BTC: variants seen among roughly 807,000 people sequenced by gnomAD.
The protein encoded by BTC is betacellulin.
In BTC, 13 loss-of-function variants were observed where a neutral mutation model predicts 18.1. The observed-to-expected ratio is 0.72, with a 90% CI of 0.47 to 1.14. BTC has a LOEUF of 1.14. Among genes scored for constraint, BTC ranks in the 50% most tolerant of loss-of-function variants. BTC has a pLI of 0.00. For missense variants in BTC, 247 were observed against 224.2 expected, an observed-to-expected ratio of 1.10 and a Z score of -0.65; for synonymous variants, 83 against 79.4, an observed-to-expected ratio of 1.05 and a Z score of -0.24.
In BTC at chr4:74,746,418, T is replaced by G. The variant is rs1332817053; in HGVS notation, c.*259A>C. The G allele has an allele frequency of 6.6e-6, 1 of 152,656 alleles. No individual in the cohort carries two copies. The highest frequency in any genetic ancestry group is 1.5e-5 in the Non-Finnish European group (1 of 68,040). The allele number at this position is 152,656 out of a possible 1,614,324, so 9.5% of individuals were successfully genotyped here. A position where few individuals can be genotyped will look rare whatever the true frequency, so the allele number is the denominator to read the frequency against. ...TGACTAGTAATCCTGGTGACAATACTTAAGTGAAAGGTTATTGAAATTTCC... is the reference window on the plus strand; with the variant it reads ...TGACTAGTAATCCTGGTGACAATACGTAAGTGAAAGGTTATTGAAATTTCC... On this transcript the variant is annotated 3_prime_UTR_variant, in exon 6 of 6. Transcript: ENST00000395743.
At chr4:74,757,701 C>A (rs1553956907) in intron 2 of BTC, among the ~76,000 whole-genome samples, 1 of 152,120 alleles carries the variant, frequency 6.6e-6, no homozygotes, top group Non-Finnish European at 1.5e-5. Context: ...GTAAAAACAA[C>A]CATCATAACC....
At chr4:74,764,668 T>G (rs1175545843) in intron 2 of BTC, among the ~76,000 whole-genome samples, 1 of 152,158 alleles carries the variant, frequency 6.6e-6, no homozygotes, top group Non-Finnish European at 1.5e-5. Flanking sequence ...CAAAATAATG[T>G]CTTTTGTAGC....
At chr4:74,769,394 T>A (rs943973090) in intron 2 of BTC, among the ~76,000 whole-genome samples, 2 of 152,152 alleles carry the variant, frequency 1.3e-5, no homozygotes, top group Non-Finnish European at 2.9e-5. Context: ...ACTAAAGTTT[T>A]ACTGAAACAG....
chr4:74,792,780 G>A (rs1577975249), intron 1 of BTC, among the ~76,000 whole-genome samples: 1 of 152,104 alleles, frequency 6.6e-6, no homozygotes, highest in Non-Finnish European at 1.5e-5. Flanking sequence ...CTCAAGGCAC[G>A]CATTCGTGTC....
chr4:74,781,039 G>A lies in BTC; in HGVS notation c.65-10883C>T, dbSNP rs76192238. Among the ~76,000 whole-genome samples, 1,140 of 151,880 alleles carry A rather than the reference G, an allele frequency of 7.5e-3. 12 individuals are homozygous for A. The highest frequency in any genetic ancestry group is 0.026 in the African/African-American group (1,072 of 41,444). ...CAGTAATATCATCCTGTACTCATAA[G>A]AACATAAGAAAACTTGATGGTCATG... On this transcript the variant is annotated intron_variant, in intron 1 of 5. Coordinates refer to ENST00000395743, the MANE Select transcript of BTC (RefSeq NM_001729.4).
In BTC at chr4:74,794,477, C is replaced by T. The variant is rs1281976724; in HGVS notation, c.-152G>A. The T allele has an allele frequency of 4.5e-6, 4 of 893,012 alleles. No individual in the cohort carries two copies. Among genetic ancestry groups the T allele is most frequent in the Non-Finnish European group, 4.9e-6 (3 of 612,512 alleles). The allele number at this position is 893,012 out of a possible 1,614,324, so 55.3% of individuals were successfully genotyped here. ...ACTTCCCAGGCTGGCACCCTGGCTA[C>T]AAGGCAGGGAAACACCCAGGGCGGG... On this transcript the variant is annotated 5_prime_UTR_variant, in exon 1 of 6. Coordinates refer to ENST00000395743, the MANE Select transcript of BTC (RefSeq NM_001729.4).
chr4:74,772,342 C>A (rs1577961712), intron 1 of BTC, among the ~76,000 whole-genome samples: 1 of 152,116 alleles, frequency 6.6e-6, no homozygotes, highest in East Asian at 1.9e-4. Flanking sequence ...CAGCACCTGC[C>A]CTTTCCTTCA....
chr4:74,790,497 T>C (rs1311983009), intron 1 of BTC, among the ~76,000 whole-genome samples: 1 of 152,148 alleles, frequency 6.6e-6, no homozygotes, highest in Non-Finnish European at 1.5e-5. Flanking sequence ...GCTTGACCAC[T>C]ACATGACCCT....
At chr4:74,750,817 T>C in intron 3 of BTC, 98 bp from the exon 4 acceptor site, 1 of 1,454,160 alleles carries the variant, frequency 6.9e-7, no homozygotes, top group South Asian at 1.3e-5. Flanking sequence ...TTACTTGAAA[T>C]TAATAAAGAA....
At chr4:74,758,128 A>G (rs1394808175) in intron 2 of BTC, among the ~76,000 whole-genome samples, 2 of 152,224 alleles carry the variant, frequency 1.3e-5, no homozygotes, top group African/African-American at 2.4e-5. Flanking sequence ...GAGCAAAGGC[A>G]CAGAGTCAAG....
chr4:74,749,845 C>T (rs972348456), intron 4 of BTC, among the ~76,000 whole-genome samples: 22 of 149,806 alleles, frequency 1.5e-4, no homozygotes, highest in East Asian at 1.9e-4. Context: ...CCTGTAATCC[C>T]GCTACTCAAG....
At chr4:74,752,318 A>G (rs1724482711) in intron 3 of BTC, among the ~76,000 whole-genome samples, 1 of 152,182 alleles carries the variant, frequency 6.6e-6, no homozygotes, top group Admixed American at 6.5e-5. Context: ...AGAGCTTAGA[A>G]ATATCTTGAG....
chr4:74,754,699 AG>A (rs1450932024), intron 3 of BTC, among the ~76,000 whole-genome samples: 1 of 152,208 alleles, frequency 6.6e-6, no homozygotes, highest in African/African-American at 2.4e-5. Flanking sequence ...TAAGAAAACG[AG>A]TTTAAATTTT....
chr4:74,751,854 A>G (rs2109879952), intron 3 of BTC, among the ~76,000 whole-genome samples: 1 of 152,340 alleles, frequency 6.6e-6, no homozygotes, highest in East Asian at 1.9e-4. Context: ...AAAAATATTA[A>G]TAAATATTTT....
chr4:74,786,786 A>C (rs1300200727), intron 1 of BTC, among the ~76,000 whole-genome samples: 3 of 152,010 alleles, frequency 2.0e-5, no homozygotes, highest in African/African-American at 7.3e-5. Flanking sequence ...AACATGTAGC[A>C]GTCTGAATCC....
intron 1 of BTC, among the ~76,000 whole-genome samples, chr4:74,783,281 G>A (rs1725385771): frequency 6.6e-6 from 1 of 152,118 alleles, no homozygotes; most frequent in Admixed American, 6.5e-5. Flanking sequence ...TTTGTATATA[G>A]TGTAAAGAAG....
chr4:74,788,750 G>A (rs904266645), intron 1 of BTC, among the ~76,000 whole-genome samples: 3 of 152,190 alleles, frequency 2.0e-5, no homozygotes, highest in Non-Finnish European at 4.4e-5. Context: ...ATATGTTAAT[G>A]TTTTGCTAAT....
At chr4:74,778,130 TC>T (rs1428432525) in intron 1 of BTC, among the ~76,000 whole-genome samples, 1 of 152,186 alleles carries the variant, frequency 6.6e-6, no homozygotes, top group African/African-American at 2.4e-5. Context: ...TACAGCGTTC[TC>T]CTTTTTTGTT....
At chr4:74,782,869 T>C (rs1337498696) in intron 1 of BTC, among the ~76,000 whole-genome samples, 1 of 152,242 alleles carries the variant, frequency 6.6e-6, no homozygotes, top group Admixed American at 6.5e-5. Flanking sequence ...TGAGCTCTTT[T>C]TCATGTGTTT....
Sources: gnomAD v4.1 joint callset for allele counts (sites outside exome capture counted in the v4.1 genomes callset) on GRCh38, gnomAD v4.1.1 for gene constraint, MANE v1.5 for transcripts, NCBI Gene and HGNC (gene_info 2026-07-23, HGNC 2026-07-21) for gene names.